The following GMDS variants were observed in gnomAD, a reference collection of about 807,000 sequenced individuals.
GMDS encodes GDP-mannose 4,6-dehydratase.
A neutral mutation model predicts 49.9 loss-of-function variants in GMDS; 20 were observed. The observed-to-expected ratio is 0.40, with a 90% confidence interval of 0.28 to 0.58. The LOEUF (loss-of-function observed/expected upper bound fraction) is 0.58, where lower values mean the gene tolerates loss of function less well. Among genes scored for constraint, GMDS ranks in the 20% least tolerant of loss-of-function variants. The probability of loss-of-function intolerance (pLI) is 0.42; values close to 1 mark genes in which losing one functional copy is unlikely to be tolerated. For synonymous variants in GMDS, 177 were observed against 178.6 expected (o/e 0.99, Z 0.07); for missense variants, 362 against 481.4 (o/e 0.75, Z 2.32).
At chr6:1,666,624 CTAATGGAATCACCGAG>C (rs1404475686) in intron 9 of GMDS, among the ~76,000 whole-genome samples, 1 of 152,084 alleles carries the variant, frequency 6.6e-6, no homozygotes, top group African/African-American at 2.4e-5. Flanking sequence ...GGTGTGATCA[CTAATGGAATCACCGAG>C]TTTCCACAGA....
Position 2,169,969 on chromosome 6 carries a change from C to T in GMDS, c.103-45238G>A, listed in dbSNP as rs1481543669. Among the ~76,000 whole-genome samples, 10 of 152,148 alleles carry T rather than the reference C, an allele frequency of 6.6e-5. 1 individual carries two copies. The highest frequency in any genetic ancestry group is 6.5e-4 in the Admixed American group (10 of 15,278). Reference sequence around the variant, plus strand: ...CTGTAATCCCAGCACTTTGGGAGGCCAAGGTGGGCCGATCACCTGAGGTCG... The same window carrying T: ...CTGTAATCCCAGCACTTTGGGAGGCTAAGGTGGGCCGATCACCTGAGGTCG... On this transcript the variant is annotated intron_variant, in intron 1 of 10. Transcript: ENST00000380815.
intron 1 of GMDS, among the ~76,000 whole-genome samples, chr6:2,205,339 A>G (rs531081860): frequency 6.6e-6 from 1 of 152,304 alleles, no homozygotes; most frequent in South Asian, 2.1e-4. Context: ...TGAAAAGTTC[A>G]TCTCCTTAAG....
intron 9 of GMDS, among the ~76,000 whole-genome samples, chr6:1,721,751 T>C (rs1561756292): frequency 3.3e-5 from 5 of 152,318 alleles, no homozygotes; most frequent in Admixed American, 2.0e-4. Context: ...AATTTTTAAG[T>C]TAAAAATTCT....
intron 8 of GMDS, among the ~76,000 whole-genome samples, chr6:1,737,416 TTAG>T (rs1767036551): frequency 6.6e-6 from 1 of 152,144 alleles, no homozygotes; most frequent in Non-Finnish European, 1.5e-5. Flanking sequence ...CACTACATAC[TTAG>T]TGGTAAGTTG....
At chr6:2,140,173 A>G (rs1359593959) in intron 1 of GMDS, among the ~76,000 whole-genome samples, 2 of 152,146 alleles carry the variant, frequency 1.3e-5, no homozygotes, top group African/African-American at 2.4e-5. Flanking sequence ...ACTGGAGATT[A>G]TCGTGGATTA....
In GMDS at chr6:2,244,673, T is replaced by G. The variant is rs184787475; in HGVS notation, c.102+648A>C. Among the ~76,000 whole-genome samples the G allele has an allele frequency of 5.3e-5, 8 of 152,324 alleles. No individual in the cohort carries two copies. In the East Asian group the frequency reaches 1.5e-3, roughly 29 times the overall value. ...CTTTGAAAATGGAACTAGCCGCACT[T>G]TTGGACCAGTGTGCCTCGGATACAC... is the stretch of plus-strand genomic sequence containing the variant. On this transcript the variant is annotated intron_variant, in intron 1 of 10. Transcript: ENST00000380815.
At chr6:1,629,799 G>C (rs948914983) in intron 9 of GMDS, among the ~76,000 whole-genome samples, 2 of 152,160 alleles carry the variant, frequency 1.3e-5, no homozygotes, top group Non-Finnish European at 2.9e-5. Context: ...ATGGGATCTC[G>C]GTAGAATTTG....
intron 4 of GMDS, among the ~76,000 whole-genome samples, chr6:2,039,852 TATA>T (rs1201900172): frequency 1.3e-5 from 2 of 152,198 alleles, no homozygotes; most frequent in Non-Finnish European, 2.9e-5. Flanking sequence ...GATGAAAAAG[TATA>T]ATAAGCACAT....
intron 7 of GMDS, among the ~76,000 whole-genome samples, chr6:1,909,995 G>A (rs576596606): frequency 2.2e-4 from 33 of 152,268 alleles, no homozygotes; most frequent in Non-Finnish European, 3.2e-4. Flanking sequence ...GTGCTGTGAA[G>A]TATAAAATGT....
At chr6:1,759,367 T>A (rs1768075762) in intron 7 of GMDS, among the ~76,000 whole-genome samples, 1 of 152,198 alleles carries the variant, frequency 6.6e-6, no homozygotes, top group African/African-American at 2.4e-5. Context: ...TCACCTGAAG[T>A]CATACACCTG....
intron 7 of GMDS, among the ~76,000 whole-genome samples, chr6:1,782,034 G>C (rs1398078062): frequency 1.3e-5 from 2 of 152,106 alleles, no homozygotes; most frequent in African/African-American, 4.8e-5. Context: ...GGATCTGAGA[G>C]TCTTGAAGCA....
At chr6:1,753,164 G>A (rs1215221797) in intron 7 of GMDS, among the ~76,000 whole-genome samples, 2 of 152,098 alleles carry the variant, frequency 1.3e-5, no homozygotes, top group Non-Finnish European at 2.9e-5. Context: ...GACACACATA[G>A]GCTCAAAATA....
intron 4 of GMDS, among the ~76,000 whole-genome samples, chr6:1,992,818 T>C (rs905162080): frequency 6.6e-6 from 1 of 152,224 alleles, no homozygotes; most frequent in African/African-American, 2.4e-5. Context: ...GGCCAGTGCC[T>C]GGCAAAGAGA....
chr6:2,032,908 G>A (rs1769059716), intron 4 of GMDS, among the ~76,000 whole-genome samples: 1 of 152,098 alleles, frequency 6.6e-6, no homozygotes, highest in Non-Finnish European at 1.5e-5. Flanking sequence ...CTAAGGAGAG[G>A]ATGCAAAGAA....
chr6:2,139,954 C>T (rs973154015), intron 1 of GMDS, among the ~76,000 whole-genome samples: 2 of 152,144 alleles, frequency 1.3e-5, no homozygotes, highest in African/African-American at 4.8e-5. Context: ...GGCAGCTGAG[C>T]GCAGGAGGAG....
chr6:2,180,938 CG>C (rs1259157041), intron 1 of GMDS, among the ~76,000 whole-genome samples: 6 of 151,934 alleles, frequency 3.9e-5, no homozygotes, highest in South Asian at 2.1e-4. Flanking sequence ...GAGGCTGAGG[CG>C]GGCAGATCAT....
At chr6:2,213,144 A>G (rs1353665452) in intron 1 of GMDS, among the ~76,000 whole-genome samples, 4 of 152,176 alleles carry the variant, frequency 2.6e-5, no homozygotes, top group Admixed American at 6.5e-5. Flanking sequence ...AAATCATAAA[A>G]CTGTAATCCA....
intron 1 of GMDS, among the ~76,000 whole-genome samples, chr6:2,145,474 G>A (rs1776506918): frequency 6.6e-6 from 1 of 151,984 alleles, no homozygotes; most frequent in Non-Finnish European, 1.5e-5. Context: ...GGAGATGGAG[G>A]TTGCAGTGAG....
intron 1 of GMDS, among the ~76,000 whole-genome samples, chr6:2,155,786 T>C (rs1777084864): frequency 6.6e-6 from 1 of 152,168 alleles, no homozygotes. Context: ...TTTCTTGAAA[T>C]GAAGGATAAG....
Sources: allele counts gnomAD v4.1 joint callset (sites outside exome capture counted in the v4.1 genomes callset), GRCh38; gene constraint gnomAD v4.1.1; transcripts MANE v1.5; gene names NCBI Gene and HGNC (gene_info 2026-07-23, HGNC 2026-07-21).